The following AGBL4 variants were observed in gnomAD, a reference collection of about 807,000 sequenced individuals.
AGBL4 encodes the protein cytosolic carboxypeptidase 6.
In AGBL4, 58 loss-of-function variants were observed where a neutral mutation model predicts 66.4. The ratio of observed to expected loss-of-function variants is 0.87; its 90% CI spans 0.71 to 1.09. The LOEUF (loss-of-function observed/expected upper bound fraction) is 1.09. AGBL4 is among the 50% of genes least tolerant of loss of function. The pLI is 0.00. For synonymous variants in AGBL4, 234 were observed against 222.9 expected (o/e 1.05, Z -0.44); for missense variants, 579 against 631.0 (o/e 0.92, Z 0.88).
At chr1:48,861,487 A>C (rs574444783) in intron 6 of AGBL4, among the ~76,000 whole-genome samples, 7 of 152,328 alleles carry the variant, frequency 4.6e-5, no homozygotes, top group Admixed American at 4.6e-4. Context: ...CATTCAGATT[A>C]AAAAATAATA....
At chr1:48,529,488 C>T (rs1397466393), downstream of AGBL4, among the ~76,000 whole-genome samples, 1 of 152,102 alleles carries the variant, frequency 6.6e-6, no homozygotes, top group Non-Finnish European at 1.5e-5. Flanking sequence ...ATTATTTGCC[C>T]AAAGCCATAC....
At chr1:49,827,867 G>A (rs979108894) in intron 2 of AGBL4, among the ~76,000 whole-genome samples, 1 of 152,156 alleles carries the variant, frequency 6.6e-6, no homozygotes, top group African/African-American at 2.4e-5. Context: ...ATAGTTCTGA[G>A]AAGCGTTTTA....
intron 2 of AGBL4, among the ~76,000 whole-genome samples, chr1:49,733,655 T>G (rs983209481): frequency 9.9e-5 from 15 of 151,918 alleles, no homozygotes; most frequent in African/African-American, 3.6e-4. Flanking sequence ...TGATGGGAGG[T>G]GGGGCCTTCA....
intron 3 of AGBL4, among the ~76,000 whole-genome samples, chr1:49,424,053 C>T (rs1645604776): frequency 6.6e-6 from 1 of 152,130 alleles, no homozygotes; most frequent in African/African-American, 2.4e-5. Context: ...GTAGGAAACA[C>T]ATCCCCAACA....
chr1:49,050,723 T>C (rs372016046), intron 4 of AGBL4, among the ~76,000 whole-genome samples: 1 of 152,258 alleles, frequency 6.6e-6, no homozygotes, highest in East Asian at 1.9e-4. Flanking sequence ...CAAATGATAG[T>C]TCCTCTTTGA....
At chr1:49,679,986 T>C (rs1646656669) in intron 3 of AGBL4, among the ~76,000 whole-genome samples, 2 of 151,870 alleles carry the variant, frequency 1.3e-5, no homozygotes, top group Non-Finnish European at 2.9e-5. Context: ...GAAGAAACAA[T>C]ATTTTCTGTT....
At chr1:49,709,823 C>T (rs1647502303) in intron 2 of AGBL4, among the ~76,000 whole-genome samples, 1 of 152,058 alleles carries the variant, frequency 6.6e-6, no homozygotes. Flanking sequence ...ATTTATGCAG[C>T]AAACAAACAT....
chr1:48,527,283 A>G, the AGBL4 span, among the ~76,000 whole-genome samples: 1 of 152,070 alleles, frequency 6.6e-6, no homozygotes, highest in Non-Finnish European at 1.5e-5. Flanking sequence ...GGGGGAGGTG[A>G]CAATCAGCTG....
At chr1:49,192,471 G>C (rs527837125) in intron 4 of AGBL4, among the ~76,000 whole-genome samples, 1 of 152,142 alleles carries the variant, frequency 6.6e-6, no homozygotes, top group East Asian at 1.9e-4. Context: ...GCTAAATTTT[G>C]TATTTTTAGT....
chr1:48,621,487 T>C (rs998182203), intron 9 of AGBL4, among the ~76,000 whole-genome samples: 9 of 152,184 alleles, frequency 5.9e-5, no homozygotes, highest in Admixed American at 2.6e-4. Flanking sequence ...AAAGTTAACA[T>C]ATACTTGTGG....
chr1:49,703,150 T>C (rs904515197), intron 2 of AGBL4, among the ~76,000 whole-genome samples: 1 of 152,030 alleles, frequency 6.6e-6, no homozygotes, highest in Non-Finnish European at 1.5e-5. Flanking sequence ...TTATTTCTAT[T>C]TGCAGATGAC....
At chr1:49,741,144 A>T (rs1422981038) in intron 2 of AGBL4, among the ~76,000 whole-genome samples, 1 of 152,234 alleles carries the variant, frequency 6.6e-6, no homozygotes, top group Non-Finnish European at 1.5e-5. Context: ...CAAAATTGAT[A>T]GACCGCTAGC....
At chr1:48,563,271 A>G (rs1569801458) in intron 11 of AGBL4, among the ~76,000 whole-genome samples, 1 of 152,200 alleles carries the variant, frequency 6.6e-6, no homozygotes, top group East Asian at 1.9e-4. Context: ...GGCAATTTAG[A>G]TGCAGAATTT....
At chr1:49,148,682 C>T (rs1646267922) in intron 4 of AGBL4, among the ~76,000 whole-genome samples, 1 of 152,198 alleles carries the variant, frequency 6.6e-6, no homozygotes, top group Non-Finnish European at 1.5e-5. Flanking sequence ...TTTCTCAGTC[C>T]TCTTCCAGTG....
At chr1:49,786,889 T>C (rs989918383) in intron 2 of AGBL4, among the ~76,000 whole-genome samples, 4 of 152,170 alleles carry the variant, frequency 2.6e-5, no homozygotes, top group African/African-American at 9.6e-5. Flanking sequence ...ATTACTGCAG[T>C]GGCAGTGTTG....
intron 2 of AGBL4, among the ~76,000 whole-genome samples, chr1:49,849,289 G>C (rs1221148325): frequency 6.6e-6 from 1 of 151,968 alleles, no homozygotes; most frequent in Non-Finnish European, 1.5e-5. Context: ...TCAGGATGTG[G>C]ATGTGTGGGA....
At chr1:48,548,345 A>C (rs552718121) in intron 11 of AGBL4, among the ~76,000 whole-genome samples, 1 of 152,150 alleles carries the variant, frequency 6.6e-6, no homozygotes, top group East Asian at 1.9e-4. Context: ...ACCAAAGCGG[A>C]GTTAATCCTC....
rs550661355 is a variant in AGBL4 at position 48,574,385 on chromosome 1, G to A, written c.1267+12619C>T. Among the ~76,000 whole-genome samples the A allele has an allele frequency of 5.3e-5, 8 of 152,212 alleles. No homozygotes were observed. The South Asian group carries it at 1.7e-3, about 32-fold the overall frequency. On this transcript the variant is annotated intron_variant, in intron 11 of 13. Coordinates refer to ENST00000371839, the MANE Select transcript of AGBL4 (RefSeq NM_032785.4). The stretch of plus-strand genomic sequence containing the variant: ...AGAGATAATAATACTCATCTCTACG[G>A]ATTGCTGTGGGGATCAAATGAAATG...
chr1:49,651,122 G>C (rs1016058992), intron 3 of AGBL4, among the ~76,000 whole-genome samples: 3 of 152,202 alleles, frequency 2.0e-5, no homozygotes, highest in Admixed American at 6.5e-5. Context: ...AGCAGCCAGA[G>C]AGGTTTATTT....
Sources: gnomAD v4.1 joint callset for allele counts (sites outside exome capture counted in the v4.1 genomes callset) on GRCh38, gnomAD v4.1.1 for gene constraint, MANE v1.5 for transcripts, NCBI Gene and HGNC (gene_info 2026-07-23, HGNC 2026-07-21) for gene names.